The following NEGR1 variants were observed in gnomAD, a reference collection of about 807,000 sequenced individuals.
NEGR1 encodes the protein IgLON family member 4.
A neutral mutation model predicts 40.9 loss-of-function variants in NEGR1; 10 were observed. The ratio of observed to expected loss-of-function variants is 0.24; its 90% CI spans 0.15 to 0.42. The LOEUF is 0.42. NEGR1 is among the 10% of genes least tolerant of loss of function. The pLI is 1.00. For synonymous variants in NEGR1, 185 were observed against 166.8 expected (o/e 1.11, Z -0.84); for missense variants, 352 against 438.9 (o/e 0.80, Z 1.77).
intron 4 of NEGR1, among the ~76,000 whole-genome samples, chr1:71,641,774 G>A (rs999198506): frequency 4.6e-5 from 7 of 152,006 alleles, no homozygotes; most frequent in African/African-American, 1.7e-4. Context: ...ATGCTGAAAA[G>A]CTCCTGTTTC....
At chr1:71,753,661 T>C (rs1655640300) in intron 3 of NEGR1, among the ~76,000 whole-genome samples, 1 of 152,312 alleles carries the variant, frequency 6.6e-6, no homozygotes, top group South Asian at 2.1e-4. Flanking sequence ...GGTTATACAT[T>C]CCCTTCTTTA....
chr1:71,611,234 C>A, intron 4 of NEGR1, 88 bp from the exon 5 acceptor site: 1 of 1,266,548 alleles, frequency 7.9e-7, no homozygotes, highest in Non-Finnish European at 1.1e-6. Context: ...TTTATTCCTT[C>A]TATATTCAAA....
chr1:71,952,796 A>G (rs1212521303), intron 1 of NEGR1, among the ~76,000 whole-genome samples: 1 of 151,848 alleles, frequency 6.6e-6, no homozygotes, highest in Non-Finnish European at 1.5e-5. Context: ...GTTGAAGCCA[A>G]TGCTCATTTA....
At chr1:71,941,468 T>A (rs1321076964) in intron 1 of NEGR1, among the ~76,000 whole-genome samples, 1 of 152,198 alleles carries the variant, frequency 6.6e-6, no homozygotes, top group Non-Finnish European at 1.5e-5. Context: ...TATATAATCT[T>A]ATGATTGACA....
chr1:71,741,258 A>C lies in NEGR1; in HGVS notation c.535+34914T>G, dbSNP rs558892130. ...GTACAAAGTTGCATTAAGAGCTTAG[A>C]GAATATCTCAAATCATTTTAAGCAA... is the stretch of plus-strand genomic sequence containing the variant. On this transcript the variant is annotated intron_variant, in intron 3 of 6. Coordinates refer to ENST00000357731, the MANE Select transcript of NEGR1 (RefSeq NM_173808.3). Among the ~76,000 whole-genome samples the C allele has an allele frequency of 2.2e-4, 33 of 152,290 alleles. No homozygotes were observed. In the Middle Eastern group the frequency reaches 0.01, roughly 47 times the overall value.
chr1:72,161,675 T>C (rs1265090799), intron 1 of NEGR1, among the ~76,000 whole-genome samples: 4 of 124,026 alleles, frequency 3.2e-5, no homozygotes, highest in Non-Finnish European at 6.6e-5. Context: ...TTTCTTTCTT[T>C]CTTTTTTTTT....
At chr1:71,655,591 C>T (rs929970644) in intron 4 of NEGR1, among the ~76,000 whole-genome samples, 22 of 152,080 alleles carry the variant, frequency 1.4e-4, no homozygotes, top group African/African-American at 5.3e-4. Context: ...AATCACAAAA[C>T]CAACATCCTA....
chr1:72,167,390 G>A (rs1651805973), intron 1 of NEGR1, among the ~76,000 whole-genome samples: 1 of 151,652 alleles, frequency 6.6e-6, no homozygotes, highest in African/African-American at 2.4e-5. Context: ...TTAAATAACT[G>A]AATTATAAGT....
intron 1 of NEGR1, among the ~76,000 whole-genome samples, chr1:72,128,884 C>T (rs906557222): frequency 1.3e-5 from 2 of 152,002 alleles, no homozygotes; most frequent in Non-Finnish European, 2.9e-5. Context: ...ATGTTAATAG[C>T]CTAAATGGAA....
chr1:71,882,503 T>A (rs564649894), intron 2 of NEGR1, among the ~76,000 whole-genome samples: 209 of 152,190 alleles, frequency 1.4e-3, no homozygotes, highest in African/African-American at 4.7e-3. Context: ...ATTTTTTCAT[T>A]TAAGGAAGAG....
At chr1:72,212,733 A>T (rs1338915215) in intron 1 of NEGR1, among the ~76,000 whole-genome samples, 2 of 151,964 alleles carry the variant, frequency 1.3e-5, no homozygotes, top group African/African-American at 4.8e-5. Flanking sequence ...CTATTCTAAA[A>T]TTTTTTCTGC....
intron 1 of NEGR1, among the ~76,000 whole-genome samples, chr1:72,279,765 G>A (rs1656181014): frequency 6.6e-6 from 1 of 152,068 alleles, no homozygotes; most frequent in South Asian, 2.1e-4. Context: ...ATGATCAGAG[G>A]AAATTACCAG....
At chr1:72,017,587 A>G (rs1460982051) in intron 1 of NEGR1, among the ~76,000 whole-genome samples, 4 of 152,180 alleles carry the variant, frequency 2.6e-5, no homozygotes, top group East Asian at 1.9e-4. Context: ...CAGAGCTATC[A>G]GTCCAACTGG....
intron 2 of NEGR1, among the ~76,000 whole-genome samples, chr1:71,851,485 AT>A (rs1313490660): frequency 2.0e-5 from 3 of 152,204 alleles, no homozygotes; most frequent in African/African-American, 7.2e-5. Flanking sequence ...GTATTAGGAA[AT>A]AACACTTTTT....
intron 4 of NEGR1, among the ~76,000 whole-genome samples, chr1:71,669,082 A>T (rs1371720614): frequency 6.6e-6 from 1 of 152,192 alleles, no homozygotes; most frequent in Non-Finnish European, 1.5e-5. Flanking sequence ...GAGTACATGT[A>T]GATTTAGAAT....
chr1:71,525,183 G>T (rs1370510979), intron 6 of NEGR1, among the ~76,000 whole-genome samples: 1 of 151,732 alleles, frequency 6.6e-6, no homozygotes, highest in African/African-American at 2.4e-5. Flanking sequence ...TAAGTGCAAG[G>T]CACAATCACA....
intron 5 of NEGR1, among the ~76,000 whole-genome samples, chr1:71,596,229 T>C (rs371701643): frequency 3.1e-4 from 47 of 152,240 alleles, no homozygotes; most frequent in African/African-American, 1.1e-3. Context: ...TGGACCCTGC[T>C]GTCCTCTACT....
At chr1:71,445,211 A>T (rs1327343178) in intron 6 of NEGR1, among the ~76,000 whole-genome samples, 1 of 152,118 alleles carries the variant, frequency 6.6e-6, no homozygotes, top group African/African-American at 2.4e-5. Context: ...AAGACTTATC[A>T]TGAGGAAAAT....
At chr1:71,980,454 C>A (rs976428199) in intron 1 of NEGR1, among the ~76,000 whole-genome samples, 1 of 152,048 alleles carries the variant, frequency 6.6e-6, no homozygotes, top group South Asian at 2.1e-4. Flanking sequence ...TGTTATGCCA[C>A]CATTTATTTT....
Sources: gnomAD v4.1 joint callset for allele counts (sites outside exome capture counted in the v4.1 genomes callset) on GRCh38, gnomAD v4.1.1 for gene constraint, MANE v1.5 for transcripts, NCBI Gene and HGNC (gene_info 2026-07-23, HGNC 2026-07-21) for gene names.